NCAM2: variants seen among roughly 807,000 people sequenced by gnomAD.
The protein encoded by NCAM2 is neural cell adhesion molecule 2.
A neutral mutation model predicts 98.1 loss-of-function variants in NCAM2; 30 were observed. That is an observed-to-expected ratio of 0.31 (90% CI 0.23 to 0.41). The LOEUF is 0.41. NCAM2 is among the 10% of genes least tolerant of loss of function. The probability of loss-of-function intolerance (pLI) is 1.00; values close to 1 mark genes in which losing one functional copy is unlikely to be tolerated. For synonymous variants in NCAM2, 368 were observed against 342.4 expected, an observed-to-expected ratio of 1.07 and a Z score of -0.83; for missense variants, 867 against 1,005.8, an observed-to-expected ratio of 0.86 and a Z score of 1.87.
intron 1 of NCAM2, among the ~76,000 whole-genome samples, chr21:21,100,900 C>G (rs150567696): frequency 2.9e-3 from 437 of 152,160 alleles, no homozygotes; most frequent in South Asian, 8.5e-3. Flanking sequence ...AATAGATGCA[C>G]TTTCCTAGTA....
At chr21:21,153,915 G>C (rs1268007585) in intron 1 of NCAM2, among the ~76,000 whole-genome samples, 3 of 151,850 alleles carry the variant, frequency 2.0e-5, no homozygotes, top group Non-Finnish European at 4.4e-5. Flanking sequence ...TAAAGTGTGG[G>C]AGAGAGAGAA....
chr21:21,252,328 T>A (rs2071504870), intron 1 of NCAM2, among the ~76,000 whole-genome samples: 1 of 151,158 alleles, frequency 6.6e-6, no homozygotes, highest in Non-Finnish European at 1.5e-5. Context: ...CTGTATAAGC[T>A]ATCCAAATAT....
At chr21:21,005,265 C>CA (rs1262709772) in intron 1 of NCAM2, among the ~76,000 whole-genome samples, 1 of 151,956 alleles carries the variant, frequency 6.6e-6, no homozygotes, top group East Asian at 1.9e-4. Context: ...AGAAGGAAAG[C>CA]AAAAGAAGTG....
intron 16 of NCAM2, among the ~76,000 whole-genome samples, chr21:21,514,864 C>A (rs1305010254): frequency 6.6e-6 from 1 of 152,092 alleles, no homozygotes; most frequent in African/African-American, 2.4e-5. Context: ...TTTCTCTATC[C>A]TTTCACCAAT....
At chr21:20,998,680 C>A in intron 1 of NCAM2, 62 bp downstream of exon 1, 2 of 1,457,886 alleles carry the variant, frequency 1.4e-6, no homozygotes, top group Non-Finnish European at 1.9e-6. Flanking sequence ...CCAAGAGAGG[C>A]AAAGAGGGAG....
At chr21:21,324,633 A>G (rs1445957684) in intron 6 of NCAM2, 133 bp downstream of exon 6, 2 of 663,336 alleles carry the variant, frequency 3.0e-6, no homozygotes, top group Non-Finnish European at 5.2e-6. Flanking sequence ...TCCTGGTGCT[A>G]TCTTTGGGGC....
intron 12 of NCAM2, among the ~76,000 whole-genome samples, chr21:21,440,643 G>T (rs557264649): frequency 1.3e-5 from 2 of 150,986 alleles, no homozygotes; most frequent in East Asian, 3.9e-4. Flanking sequence ...ATTGCAGCAC[G>T]GCACTCCAGC....
intron 1 of NCAM2, among the ~76,000 whole-genome samples, chr21:21,243,552 A>G (rs996198478): frequency 2.0e-5 from 3 of 152,176 alleles, no homozygotes; most frequent in Non-Finnish European, 4.4e-5. Flanking sequence ...TGTTGCCCAT[A>G]TTGCAGTTGG....
chr21:21,432,086 C>T, intron 11 of NCAM2, 22 bp from the exon 12 acceptor site: 1 of 1,605,244 alleles, frequency 6.2e-7, no homozygotes, highest in Non-Finnish European at 8.5e-7. Flanking sequence ...GTTATGTTTT[C>T]TTTATATTTC....
At chr21:21,334,614 A>C (rs2074807705) in intron 6 of NCAM2, among the ~76,000 whole-genome samples, 2 of 152,114 alleles carry the variant, frequency 1.3e-5, no homozygotes, top group East Asian at 3.9e-4. Context: ...TATTATAAGA[A>C]AAATACAGGA....
chr21:21,110,295 A>C (rs1407230074), intron 1 of NCAM2, among the ~76,000 whole-genome samples: 1 of 152,110 alleles, frequency 6.6e-6, no homozygotes, highest in Non-Finnish European at 1.5e-5. Flanking sequence ...AGCATGCTTG[A>C]TATTTCAGGG....
intron 1 of NCAM2, among the ~76,000 whole-genome samples, chr21:21,177,670 T>C (rs1243656646): frequency 6.6e-6 from 1 of 151,874 alleles, no homozygotes; most frequent in Non-Finnish European, 1.5e-5. Context: ...TTAACATGTG[T>C]TCCTTTCCCT....
intron 1 of NCAM2, among the ~76,000 whole-genome samples, chr21:21,181,420 A>G (rs2068463906): frequency 6.6e-6 from 1 of 152,208 alleles, no homozygotes; most frequent in South Asian, 2.1e-4. Flanking sequence ...TTAAAGCAGA[A>G]TTACATAGTT....
At chr21:21,051,156 A>C (rs777605228) in intron 1 of NCAM2, among the ~76,000 whole-genome samples, 24 of 152,180 alleles carry the variant, frequency 1.6e-4, no homozygotes, top group Non-Finnish European at 2.8e-4. Context: ...TGTCCGAGGT[A>C]ATATCCTTTT....
At chr21:21,474,762 C>G (rs934332036) in intron 14 of NCAM2, among the ~76,000 whole-genome samples, 4 of 151,910 alleles carry the variant, frequency 2.6e-5, no homozygotes, top group African/African-American at 7.3e-5. Flanking sequence ...GCCATACACC[C>G]CTTCCTTCCC....
intron 1 of NCAM2, among the ~76,000 whole-genome samples, chr21:21,268,722 T>C (rs1240724723): frequency 6.6e-6 from 1 of 152,200 alleles, no homozygotes; most frequent in African/African-American, 2.4e-5. Context: ...GGATGGACTG[T>C]TTGTTGCCTC....
chr21:21,214,431 G>A (rs916999672), intron 1 of NCAM2, among the ~76,000 whole-genome samples: 1 of 151,880 alleles, frequency 6.6e-6, no homozygotes, highest in Admixed American at 6.6e-5. Flanking sequence ...TGTAATATGG[G>A]TGCCAGGATA....
At chr21:21,224,188 A>G (rs1297468653) in intron 1 of NCAM2, among the ~76,000 whole-genome samples, 1 of 152,214 alleles carries the variant, frequency 6.6e-6, no homozygotes, top group African/African-American at 2.4e-5. Flanking sequence ...CAAAGTCTTT[A>G]AGACTTGAAG....
chr21:21,534,165 T>C (rs1036488115), intron 16 of NCAM2, among the ~76,000 whole-genome samples: 7 of 152,012 alleles, frequency 4.6e-5, no homozygotes, highest in African/African-American at 1.7e-4. Flanking sequence ...TTTTGATAGT[T>C]TCAAATGTGG....
Sources: gnomAD v4.1 joint callset for allele counts (sites outside exome capture counted in the v4.1 genomes callset) on GRCh38, gnomAD v4.1.1 for gene constraint, MANE v1.5 for transcripts, NCBI Gene and HGNC (gene_info 2026-07-23, HGNC 2026-07-21) for gene names.